Variants in ZFYVE9 observed in about 807,000 individuals in gnomAD.
ZFYVE9 encodes the protein zinc finger FYVE domain-containing protein 9.
In ZFYVE9, 43 loss-of-function variants were observed where a neutral mutation model predicts 126.7. The observed-to-expected ratio is 0.34, with a 90% CI of 0.27 to 0.44. The LOEUF (loss-of-function observed/expected upper bound fraction) is 0.44. Among genes scored for constraint, ZFYVE9 ranks in the 20% least tolerant of loss-of-function variants. The pLI is 1.00. For synonymous variants in ZFYVE9, 521 were observed against 597.4 expected (o/e 0.87, Z 1.87); for missense variants, 1,476 against 1,697.0 (o/e 0.87, Z 2.29).
At chr1:52,170,937 G>A (rs1055347348) in intron 1 of ZFYVE9, among the ~76,000 whole-genome samples, 3 of 151,550 alleles carry the variant, frequency 2.0e-5, no homozygotes, top group African/African-American at 7.3e-5. Flanking sequence ...GCAGTTATTG[G>A]ATGAAATGTC....
chr1:52,343,620 G>C (rs998807462), intron 17 of ZFYVE9, among the ~76,000 whole-genome samples: 1 of 151,324 alleles, frequency 6.6e-6, no homozygotes. Flanking sequence ...GCCAGGTGTG[G>C]TGGTGCACAC....
At chr1:52,251,054 TTGTTG>T (rs769162686) in intron 4 of ZFYVE9, among the ~76,000 whole-genome samples, 2,548 of 144,532 alleles carry the variant, frequency 0.018, 28 homozygotes, top group Non-Finnish European at 0.028. Flanking sequence ...GTTGTTGTTG[TTGTTG>T]TTGTTTGTTT....
intron 2 of ZFYVE9, among the ~76,000 whole-genome samples, chr1:52,219,941 CT>C (rs769448720): frequency 1.3e-5 from 2 of 152,000 alleles, no homozygotes; most frequent in Non-Finnish European, 2.9e-5. Flanking sequence ...CCACGCCCGG[CT>C]AATTTTTGTA....
chr1:52,272,693 T>TTTTTTG (rs1645705880), intron 7 of ZFYVE9, among the ~76,000 whole-genome samples: 1 of 144,784 alleles, frequency 6.9e-6, no homozygotes, highest in Admixed American at 6.9e-5. Context: ...TTTTTTTTTT[T>TTTTTTG]GAGTCTCGCT....
intron 7 of ZFYVE9, among the ~76,000 whole-genome samples, chr1:52,271,138 C>G (rs1046718128): frequency 6.6e-6 from 1 of 152,136 alleles, no homozygotes; most frequent in African/African-American, 2.4e-5. Flanking sequence ...TCTTTCCTAT[C>G]TCTTAGTTTG....
Position 52,238,100 on chromosome 1 carries a change from A to G in ZFYVE9, c.683A>G (p.His228Arg), listed in dbSNP as rs761298190. ...AAAACAGAGGGGAGATCTGTTAACC[A>G]TCTGTGTCCTACTTCATCTGATAGT... ...RPKTEGRSVNHLCPTSSDSLA... is the reference protein window; with the variant it reads ...RPKTEGRSVNRLCPTSSDSLA... Residue 228 changes from histidine (H) to arginine (R), a missense_variant, in exon 4 of 19, where the codon CAT (histidine) becomes CGT (arginine). Physicochemically the swap from His to Arg is conservative, Grantham distance 29. Transcript: ENST00000287727. The G allele has an allele frequency of 1.1e-5, 18 of 1,613,946 alleles. No individual in the cohort carries two copies. The South Asian group carries it at 1.8e-4, about 16-fold the overall frequency.
chr1:52,172,024 T>G lies in ZFYVE9; in HGVS notation c.-143+29621T>G, dbSNP rs554276501. On this transcript the variant is annotated intron_variant, in intron 1 of 18. Transcript: ENST00000287727. The stretch of plus-strand genomic sequence containing the variant: ...GTTTAATGAGATCCCATTTGTCAAT[T>G]TTGGCTTTTGTTGCCATTGCTTTTG... Among the ~76,000 whole-genome samples the G allele has an allele frequency of 4.6e-5, 7 of 152,222 alleles. No individual in the cohort carries two copies. In the South Asian group the frequency reaches 1.5e-3, roughly 32 times the overall value.
At chr1:52,149,281 C>T (rs1265177350) in intron 1 of ZFYVE9, among the ~76,000 whole-genome samples, 2 of 151,982 alleles carry the variant, frequency 1.3e-5, no homozygotes, top group Non-Finnish European at 2.9e-5. Flanking sequence ...ACTTTAGAAA[C>T]ATTAGCAAGT....
chr1:52,298,036 A>G (rs1276514174), intron 12 of ZFYVE9, among the ~76,000 whole-genome samples: 1 of 152,040 alleles, frequency 6.6e-6, no homozygotes, highest in African/African-American at 2.4e-5. Flanking sequence ...AATTTGTTAT[A>G]TATTCTGGAT....
At position 52,268,449 on chromosome 1, in the gene ZFYVE9, T is replaced by C. The variant is rs1245587744; in HGVS notation, c.2456-14T>C. ...GCCACATTGATGCCTGTTTTATTTTTCTGGCCCCTCAAGTGGCTCAGCCCA... is the reference window on the plus strand; with the variant it reads ...GCCACATTGATGCCTGTTTTATTTTCCTGGCCCCTCAAGTGGCTCAGCCCA... On this transcript the variant is annotated splice_polypyrimidine_tract_variant and intron_variant, in intron 6 of 18. Coordinates refer to ENST00000287727, the MANE Select transcript of ZFYVE9 (RefSeq NM_004799.4). 2.5e-6 allele frequency: 4 copies of C among 1,606,504 alleles called. No homozygotes were observed. The South Asian group carries it at 4.4e-5, about 18-fold the overall frequency.
chr1:52,191,794 C>T (rs937885849), intron 1 of ZFYVE9, among the ~76,000 whole-genome samples: 1 of 152,094 alleles, frequency 6.6e-6, no homozygotes, highest in African/African-American at 2.4e-5. Context: ...AGAGTGATAT[C>T]CTGGAAAGAA....
intron 8 of ZFYVE9, 38 bp from the exon 9 acceptor site, chr1:52,278,454 C>T (rs1645769745): frequency 1.2e-6 from 2 of 1,612,384 alleles, no homozygotes; most frequent in Non-Finnish European, 8.5e-7. Context: ...TGATTTGTTC[C>T]TTTAACCAAT....
rs1183236515 is a variant in ZFYVE9 at position 52,216,940 on chromosome 1, C to T, written c.-37+466C>T. ...GGAAGTATTCTTGTAGAACAGGAAT[C>T]CTTGTCTTTTTCCTAACTAGGAGTC... is the stretch of plus-strand genomic sequence containing the variant. On this transcript the variant is annotated intron_variant, in intron 2 of 18. Transcript: ENST00000287727. Among the ~76,000 whole-genome samples, 6 of 151,840 alleles carry T rather than the reference C, an allele frequency of 4.0e-5. No individual in the cohort carries two copies. In the East Asian group the frequency reaches 1.2e-3, roughly 29 times the overall value.
intron 13 of ZFYVE9, among the ~76,000 whole-genome samples, chr1:52,321,588 G>A (rs1321371123): frequency 6.6e-6 from 1 of 152,146 alleles, no homozygotes; most frequent in African/African-American, 2.4e-5. Flanking sequence ...CACATGCCCA[G>A]GATAGTACTG....
intron 1 of ZFYVE9, among the ~76,000 whole-genome samples, chr1:52,204,091 T>A (rs1196674199): frequency 1.3e-5 from 2 of 152,180 alleles, no homozygotes; most frequent in African/African-American, 4.8e-5. Context: ...ACTTTTTTTT[T>A]TTTTTAACCT....
Position 52,238,871 on chromosome 1 carries a change from A to T in ZFYVE9, c.1454A>T (p.Asp485Val), listed in dbSNP as rs200255393. Reference sequence around the variant, plus strand: ...GGTTGTGATTCCTATGGAATGCAAGACCCAGGTGTTTCTTTTGTTCCAAAG... The same window carrying T: ...GGTTGTGATTCCTATGGAATGCAAGTCCCAGGTGTTTCTTTTGTTCCAAAG... ...SNGCDSYGMQ[D>V]PGVSFVPKTL... Residue 485 changes from aspartate to valine, a missense_variant, in exon 4 of 19, where the codon GAC becomes GTC. Coordinates refer to ENST00000287727, the MANE Select transcript of ZFYVE9 (RefSeq NM_004799.4). 3.7e-6 allele frequency: 6 copies of T among 1,614,126 alleles called. No homozygotes were observed. The East Asian group carries it at 1.3e-4, about 36-fold the overall frequency.
intron 9 of ZFYVE9, 95 bp downstream of exon 9, chr1:52,278,709 A>G (rs1645772714): frequency 3.6e-6 from 3 of 838,734 alleles, no homozygotes; most frequent in African/African-American, 3.6e-5. Flanking sequence ...ATTTTTATAT[A>G]GAGCCACATC....
In ZFYVE9 at chr1:52,238,841, C is replaced by T; in HGVS notation, c.1424C>T (p.Ser475Phe). ...GACACACCAGCAGCAAATTATCTATCTAATGGTTGTGATTCCTATGGAATG... is the reference window on the plus strand; with the variant it reads ...GACACACCAGCAGCAAATTATCTATTTAATGGTTGTGATTCCTATGGAATG... The part of the protein sequence containing the change: ...VIDTPAANYL[S>F]NGCDSYGMQD... Residue 475 changes from serine to phenylalanine, a missense_variant, in exon 4 of 19, where the codon TCT becomes TTT. Ser to Phe is a radical substitution (Grantham distance 155, BLOSUM62 -2). Transcript: ENST00000287727. The T allele has an allele frequency of 3.1e-6, 5 of 1,614,084 alleles. No homozygotes were observed. Among genetic ancestry groups the T allele is most frequent in the Non-Finnish European group, 4.2e-6 (5 of 1,179,976 alleles).
chr1:52,303,682 A>T, intron 12 of ZFYVE9, 139 bp from the exon 13 acceptor site: 2 of 482,712 alleles, frequency 4.1e-6, no homozygotes, highest in Non-Finnish European at 7.0e-6. Context: ...TGGGGCTTTC[A>T]TTATACATTT....
Sources: gnomAD v4.1 joint callset for allele counts (sites outside exome capture counted in the v4.1 genomes callset) on GRCh38, gnomAD v4.1.1 for gene constraint, MANE v1.5 for transcripts, NCBI Gene and HGNC (gene_info 2026-07-23, HGNC 2026-07-21) for gene names.